CLYBL: variants seen among roughly 807,000 people sequenced by gnomAD.
The protein encoded by CLYBL is citramalyl-CoA lyase, also known as citramalyl-CoA lyase, mitochondrial.
Under a neutral mutation model 38.9 loss-of-function variants are expected in CLYBL, and 31 were observed. That is an observed-to-expected ratio of 0.80 (90% CI 0.60 to 1.08). The LOEUF is 1.08. Ranked by LOEUF, CLYBL falls within the 50% of genes least tolerant of loss-of-function variation. CLYBL has a pLI of 0.00. For synonymous variants in CLYBL, 171 were observed against 158.6 expected (o/e 1.08, Z -0.59); for missense variants, 434 against 411.6 (o/e 1.05, Z -0.47).
At chr13:99,629,571 C>T (rs2046915032) in intron 1 of CLYBL, among the ~76,000 whole-genome samples, 1 of 152,194 alleles carries the variant, frequency 6.6e-6, no homozygotes, top group African/African-American at 2.4e-5. Flanking sequence ...CTGTGGACTT[C>T]ACTGCTTGTC....
chr13:99,628,395 G>A (rs1466444937), intron 1 of CLYBL, among the ~76,000 whole-genome samples: 2 of 152,202 alleles, frequency 1.3e-5, no homozygotes, highest in Non-Finnish European at 2.9e-5. Context: ...TTAATCAGCA[G>A]CCTTGGGAGT....
At chr13:99,674,700 A>G (rs2047618455) in intron 1 of CLYBL, among the ~76,000 whole-genome samples, 1 of 152,136 alleles carries the variant, frequency 6.6e-6, no homozygotes, top group African/African-American at 2.4e-5. Context: ...GGGATGCGTA[A>G]GAAGAAGTGG....
rs947695381 is a variant in CLYBL, at chr13:99,771,398, G to C, written c.63-1426G>C. 9.8e-5 allele frequency among the ~76,000 whole-genome samples: 15 copies of C among 152,298 alleles called. No individual in the cohort carries two copies. In the East Asian group the frequency reaches 2.7e-3, roughly 27 times the overall value. ...CATAGAACTTCATCTCTTATGGGCA[G>C]GGTTGGCTTCATGGACATGTAATTT... On this transcript the variant is annotated intron_variant, in intron 1 of 8. Coordinates refer to ENST00000339105, the MANE Select transcript of CLYBL (RefSeq NM_206808.5).
At chr13:99,607,672 C>G (rs190664756) in intron 1 of CLYBL, among the ~76,000 whole-genome samples, 34 of 152,334 alleles carry the variant, frequency 2.2e-4, no homozygotes, top group African/African-American at 8.2e-4. Context: ...ATTCTCAAAG[C>G]CCTATGACCA....
At chr13:99,757,036 A>G (rs2049075699) in intron 1 of CLYBL, among the ~76,000 whole-genome samples, 1 of 151,982 alleles carries the variant, frequency 6.6e-6, no homozygotes, top group South Asian at 2.1e-4. Flanking sequence ...AGTGGGGACC[A>G]TAAGCTTGCA....
intron 2 of CLYBL, among the ~76,000 whole-genome samples, chr13:99,837,795 C>A (rs1385034328): frequency 6.7e-6 from 1 of 149,804 alleles, no homozygotes; most frequent in African/African-American, 2.5e-5. Context: ...CAAGGGGAGC[C>A]TTTAGAAGCA....
chr13:99,650,850 C>T lies in CLYBL; in HGVS notation c.62+44093C>T, dbSNP rs1004689162. ...CTCCACAAGCAGCAGTCACTCTCAA[C>T]ACTGAGGAATGAAGACCTTACAGTG... On this transcript the variant is annotated intron_variant, in intron 1 of 8. Transcript: ENST00000339105. Among the ~76,000 whole-genome samples, 22 of 152,310 alleles carry T rather than the reference C, an allele frequency of 1.4e-4. 1 individual carries two copies. In the Middle Eastern group the frequency reaches 0.02, roughly 141 times the overall value.
intron 8 of CLYBL, among the ~76,000 whole-genome samples, chr13:99,904,384 T>C (rs2052673157): frequency 6.6e-6 from 1 of 152,218 alleles, no homozygotes; most frequent in Non-Finnish European, 1.5e-5. Context: ...TGCTAAACTT[T>C]AAAAAGCAAA....
chr13:99,904,756 T>G (rs1211628254), intron 8 of CLYBL, among the ~76,000 whole-genome samples: 1 of 152,214 alleles, frequency 6.6e-6, no homozygotes, highest in Non-Finnish European at 1.5e-5. Context: ...TGTACAGTTT[T>G]TATGAAAATG....
rs865840508 is a variant in CLYBL, at chr13:99,606,705, C to G, written c.10C>G (p.Arg4Gly). MAL[R>G]LLRRAARGAA... ...CGCGCGCGTCGGGAAGATGGCGCTA[C>G]GTCTGCTGCGGAGGGCGGCGCGCGG... The change falls in exon 1 of 9, where the codon CGT becomes GGT. Residue 4 changes from arginine to glycine, a missense_variant. By Grantham distance (125) the Arg-to-Gly change is moderately radical. Transcript: ENST00000339105. The G allele has an allele frequency of 5.4e-6, 8 of 1,492,428 alleles. No individual in the cohort carries two copies. The highest frequency in any genetic ancestry group is 7.1e-6 in the Non-Finnish European group (8 of 1,127,510). 92.4% of individuals were successfully genotyped at this position (1,492,428 alleles called of 1,614,324 possible). A position where few individuals can be genotyped will look rare whatever the true frequency, so the allele number is the denominator to read the frequency against.
intron 1 of CLYBL, among the ~76,000 whole-genome samples, chr13:99,701,462 C>T (rs2139459364): frequency 6.6e-6 from 1 of 152,124 alleles, no homozygotes; most frequent in South Asian, 2.1e-4. Flanking sequence ...CAGGCGCCTG[C>T]CACCACGCCT....
At chr13:99,631,329 T>TTG (rs1342977969) in intron 1 of CLYBL, among the ~76,000 whole-genome samples, 5 of 102,140 alleles carry the variant, frequency 4.9e-5, no homozygotes, top group East Asian at 3.4e-4. Flanking sequence ...CTCCAAATAT[T>TTG]TATGTGTGTG....
At chr13:99,735,914 A>C (rs1055102333) in intron 1 of CLYBL, among the ~76,000 whole-genome samples, 9 of 152,144 alleles carry the variant, frequency 5.9e-5, no homozygotes, top group African/African-American at 2.2e-4. Context: ...CATCGATTTC[A>C]GTTAATACAA....
chr13:99,788,803 A>G (rs998764192), intron 2 of CLYBL, among the ~76,000 whole-genome samples: 1 of 152,186 alleles, frequency 6.6e-6, no homozygotes. Flanking sequence ...TACCTCTGGT[A>G]GAGTTTGGCT....
downstream of CLYBL, among the ~76,000 whole-genome samples, chr13:99,901,654 TTTTG>T (rs1555327300): frequency 1.1e-4 from 16 of 141,964 alleles, no homozygotes; most frequent in South Asian, 4.5e-4. Context: ...TGTTTTTTTT[TTTTG>T]TTTGTTTGTT....
In CLYBL at chr13:99,683,763, G is replaced by A. The variant is rs114097418; in HGVS notation, c.62+77006G>A. ...CTTTTTTTTTTTTTAATAAGGAGGC[G>A]TATAGTCTAAAATGAAGATAAAATG... On this transcript the variant is annotated intron_variant, in intron 1 of 8. Coordinates refer to ENST00000339105, the MANE Select transcript of CLYBL (RefSeq NM_206808.5). Among the ~76,000 whole-genome samples, 653 of 149,600 alleles carry A rather than the reference G, an allele frequency of 4.4e-3. 3 individuals are homozygous for A. The highest frequency in any genetic ancestry group is 0.015 in the African/African-American group (611 of 40,302).
chr13:99,815,613 C>T (rs1374919104), intron 2 of CLYBL, among the ~76,000 whole-genome samples: 6 of 152,080 alleles, frequency 3.9e-5, no homozygotes, highest in African/African-American at 1.2e-4. Flanking sequence ...TGGCCAGGCA[C>T]GGTGGCTCAG....
At chr13:99,606,901 T>C (rs2046533954) in intron 1 of CLYBL, 144 bp downstream of exon 1, 2 of 1,257,260 alleles carry the variant, frequency 1.6e-6, no homozygotes, top group African/African-American at 1.6e-5. Context: ...TCCCACGCGC[T>C]GGCTCGACCT....
At chr13:99,847,881 C>T (rs2051243549) in intron 2 of CLYBL, among the ~76,000 whole-genome samples, 1 of 152,190 alleles carries the variant, frequency 6.6e-6, no homozygotes, top group Admixed American at 6.5e-5. Context: ...GGTCCTTTCT[C>T]CCCAATGGAA....
Sources: gnomAD v4.1 joint callset for allele counts (sites outside exome capture counted in the v4.1 genomes callset) on GRCh38, gnomAD v4.1.1 for gene constraint, MANE v1.5 for transcripts, NCBI Gene and HGNC (gene_info 2026-07-23, HGNC 2026-07-21) for gene names.